The following TACR3 variants were observed in gnomAD, a reference collection of about 807,000 sequenced individuals.
The protein encoded by TACR3 is tachykinin receptor 3, also known as neuromedin-K receptor.
TACR3 carries 34 observed loss-of-function variants against 35.0 expected under a neutral mutation model. The observed-to-expected ratio is 0.97, with a 90% CI of 0.74 to 1.30. The LOEUF (loss-of-function observed/expected upper bound fraction) is 1.30. Among genes scored for constraint, TACR3 ranks in the 50% most tolerant of loss-of-function variants. TACR3 has a pLI of 0.00. For missense variants in TACR3, 558 were observed against 591.7 expected (o/e 0.94, Z 0.59); for synonymous variants, 233 against 221.1 (o/e 1.05, Z -0.48).
In TACR3 at chr4:103,649,132, A is replaced by G. The variant is rs117613894; in HGVS notation, c.888+7062T>C. Among the ~76,000 whole-genome samples the G allele has an allele frequency of 1.4e-4, 22 of 152,072 alleles. No individual in the cohort carries two copies. In the East Asian group the frequency reaches 4.1e-3, roughly 28 times the overall value. ...TCCTTTGCCCATTTTTAATTGGATT[A>G]TTAGATTTTTTTCCTAGAGAGTTGT... On this transcript the variant is annotated intron_variant, in intron 3 of 4. Transcript: ENST00000304883.
At chr4:103,678,400 G>C (rs1197880257) in intron 1 of TACR3, among the ~76,000 whole-genome samples, 2 of 152,090 alleles carry the variant, frequency 1.3e-5, no homozygotes, top group Non-Finnish European at 2.9e-5. Flanking sequence ...ATTTAGTTGT[G>C]CAAGTGGAAT....
At chr4:103,683,298 C>A in intron 1 of TACR3, among the ~76,000 whole-genome samples, 1 of 150,306 alleles carries the variant, frequency 6.7e-6, no homozygotes. Flanking sequence ...TCTGTGAAAA[C>A]TAGAAAAAAT....
rs71580414 is a variant in TACR3, at chr4:103,614,884, G to GTTTTTTT, written c.889-23208_889-23202dup. Among the ~76,000 whole-genome samples the GTTTTTTT allele has an allele frequency of 5.0e-4, 36 of 72,002 alleles. 3 individuals are homozygous for GTTTTTTT. The highest frequency in any genetic ancestry group is 6.0e-4 in the Non-Finnish European group (23 of 38,624). The allele number at this position is 72,002 out of a possible 152,430, so 47.2% of individuals were successfully genotyped here. On this transcript the variant is annotated intron_variant, in intron 3 of 4. Coordinates refer to ENST00000304883, the MANE Select transcript of TACR3 (RefSeq NM_001059.3). ...TATAACCTAAGTTGATTATGAATGT[G>GTTTTTTT]TTTTTTTTTTTTTTTTTTTTTTTTT...
chr4:103,695,013 A>G (rs1722490263), intron 1 of TACR3, among the ~76,000 whole-genome samples: 1 of 152,018 alleles, frequency 6.6e-6, no homozygotes, highest in African/African-American at 2.4e-5. Flanking sequence ...AATTTTCTTC[A>G]TTATTATTTT....
chr4:103,707,609 C>G (rs1722823340), intron 1 of TACR3, among the ~76,000 whole-genome samples: 1 of 152,152 alleles, frequency 6.6e-6, no homozygotes, highest in Admixed American at 6.5e-5. Context: ...GCATTTCCAA[C>G]TGAGTTACCG....
chr4:103,677,987 T>C (rs1424115316), intron 1 of TACR3, among the ~76,000 whole-genome samples: 2 of 152,108 alleles, frequency 1.3e-5, no homozygotes, highest in Non-Finnish European at 2.9e-5. Context: ...ACTTTGGATA[T>C]TGTCCCTAGC....
chr4:103,709,265 G>C lies in TACR3; in HGVS notation c.548+9863C>G, dbSNP rs1444093073. ...TAAGGGCAGCCAGAGAGAAAGGTCG[G>C]GTTACCCACAAAGGAAAGCCCATCA... On this transcript the variant is annotated intron_variant, in intron 1 of 4. Coordinates refer to ENST00000304883, the MANE Select transcript of TACR3 (RefSeq NM_001059.3). 2.6e-5 allele frequency among the ~76,000 whole-genome samples: 4 copies of C among 152,154 alleles called. No homozygotes were observed. In the East Asian group the frequency reaches 7.7e-4, roughly 29 times the overall value.
chr4:103,690,567 T>C (rs779916335), intron 1 of TACR3, among the ~76,000 whole-genome samples: 1 of 152,076 alleles, frequency 6.6e-6, no homozygotes, highest in Admixed American at 6.6e-5. Flanking sequence ...AAACCACTTT[T>C]ACTAATAGAA....
intron 1 of TACR3, among the ~76,000 whole-genome samples, chr4:103,709,420 A>T (rs1722884708): frequency 6.6e-6 from 1 of 152,214 alleles, no homozygotes; most frequent in Non-Finnish European, 1.5e-5. Context: ...TTCATAAGTG[A>T]AGGAGAAATA....
rs1201044778 is a variant in TACR3 at position 103,587,791 on chromosome 4, A to T, written c.*1891T>A. 1 of 152,154 alleles carries T rather than the reference A, an allele frequency of 6.6e-6. No homozygotes were observed. Among genetic ancestry groups the T allele is most frequent in the African/African-American group, 2.4e-5 (1 of 41,464 alleles). The allele number at this position is 152,154 out of a possible 1,614,324, so 9.4% of individuals were successfully genotyped here. On this transcript the variant is annotated 3_prime_UTR_variant, in exon 5 of 5. Coordinates refer to ENST00000304883, the MANE Select transcript of TACR3 (RefSeq NM_001059.3). ...TATATGTTTTAAGAATGAACATTCA[A>T]AAACATTATATTCAAACAATTAGAT...
At chr4:103,693,104 C>A (rs1404957679) in intron 1 of TACR3, among the ~76,000 whole-genome samples, 1 of 152,124 alleles carries the variant, frequency 6.6e-6, no homozygotes, top group South Asian at 2.1e-4. Flanking sequence ...TTTCCTTTCA[C>A]AATTTTATTT....
At chr4:103,634,167 G>T (rs1021236636) in intron 3 of TACR3, among the ~76,000 whole-genome samples, 54 of 152,006 alleles carry the variant, frequency 3.6e-4, no homozygotes, top group African/African-American at 1.3e-3. Flanking sequence ...TTTTCCCAAA[G>T]GATATTTTAT....
At chr4:103,607,610 TG>T (rs1265928444) in intron 3 of TACR3, among the ~76,000 whole-genome samples, 2 of 152,126 alleles carry the variant, frequency 1.3e-5, no homozygotes, top group Admixed American at 1.3e-4. Context: ...GAAATACAGT[TG>T]TTTTTGTGTA....
chr4:103,700,706 T>C lies in TACR3; in HGVS notation c.548+18422A>G, dbSNP rs567727472. 2.6e-5 allele frequency among the ~76,000 whole-genome samples: 4 copies of C among 152,278 alleles called. No homozygotes were observed. In the East Asian group the frequency reaches 5.8e-4, roughly 22 times the overall value. ...TTTTTAAAATGTTGCTGTACCAAGA[T>C]CAAGTGGGCTTCATCCCTGGGATGC... On this transcript the variant is annotated intron_variant, in intron 1 of 4. Coordinates refer to ENST00000304883, the MANE Select transcript of TACR3 (RefSeq NM_001059.3).
chr4:103,685,819 G>A (rs1338780702), intron 1 of TACR3, among the ~76,000 whole-genome samples: 1 of 152,150 alleles, frequency 6.6e-6, no homozygotes, highest in Non-Finnish European at 1.5e-5. Context: ...GTTAATCTCT[G>A]TAAGAGCAAG....
At chr4:103,709,680 C>A (rs1448325826) in intron 1 of TACR3, among the ~76,000 whole-genome samples, 1 of 152,092 alleles carries the variant, frequency 6.6e-6, no homozygotes, top group Non-Finnish European at 1.5e-5. Context: ...TGTAAATAGG[C>A]TAAATGCTCC....
intron 3 of TACR3, among the ~76,000 whole-genome samples, chr4:103,641,438 C>T (rs1725353894): frequency 6.6e-6 from 1 of 151,918 alleles, no homozygotes; most frequent in South Asian, 2.1e-4. Flanking sequence ...TTACCTCACA[C>T]CTGTTAGAAT....
chr4:103,639,881 T>A (rs1181647100), intron 3 of TACR3, among the ~76,000 whole-genome samples: 1 of 152,000 alleles, frequency 6.6e-6, no homozygotes, highest in Non-Finnish European at 1.5e-5. Flanking sequence ...CTAAACAACC[T>A]AAGTAAGCTG....
intron 3 of TACR3, among the ~76,000 whole-genome samples, chr4:103,633,550 G>C (rs548856337): frequency 6.6e-6 from 1 of 151,934 alleles, no homozygotes; most frequent in Non-Finnish European, 1.5e-5. Flanking sequence ...TTGTTGTCCT[G>C]ATCCCTCAAC....
Sources: gnomAD v4.1 joint callset for allele counts (sites outside exome capture counted in the v4.1 genomes callset) on GRCh38, gnomAD v4.1.1 for gene constraint, MANE v1.5 for transcripts, NCBI Gene and HGNC (gene_info 2026-07-23, HGNC 2026-07-21) for gene names.